Variants in PIGL observed in about 807,000 individuals in gnomAD.
PIGL encodes phosphatidylinositol glycan anchor biosynthesis class L.
In PIGL, 22 loss-of-function variants were observed where a neutral mutation model predicts 31.1. That is an observed-to-expected ratio of 0.71 (90% CI 0.51 to 1.01). The LOEUF (loss-of-function observed/expected upper bound fraction) is 1.01, where lower values mean the gene tolerates loss of function less well. Among genes scored for constraint, PIGL ranks in the 50% least tolerant of loss-of-function variants. PIGL has a pLI of 0.00. For missense variants in PIGL, 302 were observed against 315.9 expected (o/e 0.96, Z 0.33); for synonymous variants, 131 against 117.4 (o/e 1.12, Z -0.75).
At chr17:16,242,644 C>CTTTTTTTTTTTTTTT (rs35572629) in intron 2 of PIGL, among the ~76,000 whole-genome samples, 1 of 79,044 alleles carries the variant, frequency 1.3e-5, no homozygotes, top group Non-Finnish European at 2.4e-5. Context: ...TTTCTGATTC[C>CTTTTTTTTTTTTTTT]TTTTTTTTTT....
At chr17:16,289,256 G>A (rs2092950708) in intron 2 of PIGL, among the ~76,000 whole-genome samples, 1 of 152,228 alleles carries the variant, frequency 6.6e-6, no homozygotes. Flanking sequence ...AGGGCCAGGT[G>A]AGATAAACCC....
At chr17:16,315,395 T>G (rs1289329228) in intron 4 of PIGL, among the ~76,000 whole-genome samples, 1 of 152,162 alleles carries the variant, frequency 6.6e-6, no homozygotes, top group East Asian at 1.9e-4. Context: ...TGCTTTGACT[T>G]ATATGGCACC....
intron 2 of PIGL, among the ~76,000 whole-genome samples, chr17:16,298,273 G>C (rs2092990836): frequency 6.6e-6 from 1 of 152,220 alleles, no homozygotes; most frequent in Non-Finnish European, 1.5e-5. Context: ...GCCAGTTAAT[G>C]ACCTTTGTCC....
intron 2 of PIGL, among the ~76,000 whole-genome samples, chr17:16,237,174 C>T (rs1021797625): frequency 4.4e-5 from 6 of 135,790 alleles, no homozygotes; most frequent in African/African-American, 1.7e-4. Context: ...GTGGTGCCAT[C>T]TCAGCTCACT....
intron 2 of PIGL, among the ~76,000 whole-genome samples, chr17:16,283,836 C>T (rs1440682808): frequency 1.3e-5 from 2 of 152,184 alleles, no homozygotes; most frequent in African/African-American, 4.8e-5. Flanking sequence ...CAGAATCCAT[C>T]GATCAAGCTT....
At chr17:16,321,520 G>A (rs1456662120) in intron 6 of PIGL, among the ~76,000 whole-genome samples, 3 of 151,886 alleles carry the variant, frequency 2.0e-5, no homozygotes, top group South Asian at 4.2e-4. Flanking sequence ...GATCACAGGC[G>A]TGAGCCACCA....
intron 2 of PIGL, 80 bp downstream of exon 2, chr17:16,234,150 A>C: frequency 1.3e-6 from 1 of 790,864 alleles, no homozygotes. Flanking sequence ...CAAAAAACTA[A>C]TGTGAGTGGC....
chr17:16,274,819 G>A (rs540991994), intron 2 of PIGL, among the ~76,000 whole-genome samples: 5 of 152,034 alleles, frequency 3.3e-5, no homozygotes, highest in African/African-American at 1.2e-4. Flanking sequence ...ATCACCTAAG[G>A]TCAGGAGTTT....
At chr17:16,317,564 G>A in intron 5 of PIGL, 1 of 1,357,740 alleles carries the variant, frequency 7.4e-7, no homozygotes, top group Non-Finnish European at 9.5e-7. Flanking sequence ...AGGGTAGAGG[G>A]TAGCCAGCCA....
chr17:16,253,533 T>A (rs995454089), intron 2 of PIGL, among the ~76,000 whole-genome samples: 8 of 152,210 alleles, frequency 5.3e-5, no homozygotes, highest in Non-Finnish European at 7.3e-5. Context: ...AAAGATTTTT[T>A]AAAACTTTTT....
intron 3 of PIGL, among the ~76,000 whole-genome samples, chr17:16,309,083 G>C (rs1336792862): frequency 6.6e-6 from 1 of 152,294 alleles, no homozygotes; most frequent in East Asian, 1.9e-4. Context: ...AAGACACTGT[G>C]CCCAGCCAAA....
intron 3 of PIGL, among the ~76,000 whole-genome samples, chr17:16,310,919 GT>G (rs1224028444): frequency 1.3e-5 from 2 of 152,322 alleles, no homozygotes; most frequent in East Asian, 3.9e-4. Context: ...CCACCACTCA[GT>G]GGCAAGGTGA....
intron 2 of PIGL, among the ~76,000 whole-genome samples, chr17:16,257,684 A>G (rs2092800141): frequency 1.3e-5 from 2 of 151,136 alleles, no homozygotes; most frequent in Non-Finnish European, 1.5e-5. Context: ...AATTGATGCT[A>G]TTTAATTTTT....
intron 2 of PIGL, among the ~76,000 whole-genome samples, chr17:16,252,065 C>CCTTTTTTTTT (rs369343098): frequency 0.054 from 6,778 of 125,058 alleles, 149 homozygotes; most frequent in African/African-American, 0.094. Context: ...ATTTTTTTTT[C>CCTTTTTTTTT]CTTTTTTTTT....
chr17:16,230,622 CT>C (rs764511731), intron 1 of PIGL, among the ~76,000 whole-genome samples: 2,253 of 143,986 alleles, frequency 0.016, 48 homozygotes, highest in African/African-American at 0.048. Context: ...GTCATAATCA[CT>C]TTTTTTTTTT....
Position 16,267,323 on chromosome 17 carries a change from G to A in PIGL, c.336-32565G>A, listed in dbSNP as rs55840764. On this transcript the variant is annotated intron_variant, in intron 2 of 6. Transcript: ENST00000225609. The stretch of plus-strand genomic sequence containing the variant: ...GTCTTCACATTGAGTAGGCTATCTT[G>A]CTGTCTCAGGGGTGGCAGAGGCGGA... Among the ~76,000 whole-genome samples, 1,209 of 152,262 alleles carry A rather than the reference G, an allele frequency of 7.9e-3. 21 individuals are homozygous for A. The highest frequency in any genetic ancestry group is 0.028 in the African/African-American group (1,166 of 41,544).
intron 2 of PIGL, among the ~76,000 whole-genome samples, chr17:16,242,161 T>G (rs2092725861): frequency 6.6e-6 from 1 of 152,096 alleles, no homozygotes; most frequent in Admixed American, 6.6e-5. Flanking sequence ...TCAAGCAATC[T>G]TCCCACCTCA....
chr17:16,263,397 C>A (rs1428345715), intron 2 of PIGL, among the ~76,000 whole-genome samples: 1 of 151,990 alleles, frequency 6.6e-6, no homozygotes, highest in African/African-American at 2.4e-5. Context: ...CCAGTCTGGT[C>A]TCAAACTCAT....
intron 3 of PIGL, among the ~76,000 whole-genome samples, chr17:16,310,090 A>AAG (rs1299633995): frequency 1.3e-5 from 2 of 151,612 alleles, no homozygotes; most frequent in East Asian, 3.9e-4. Context: ...AAAAAAAAAA[A>AAG]AAAAAGAAAG....
Sources: allele counts gnomAD v4.1 joint callset (sites outside exome capture counted in the v4.1 genomes callset), GRCh38; gene constraint gnomAD v4.1.1; transcripts MANE v1.5; gene names NCBI Gene and HGNC (gene_info 2026-07-23, HGNC 2026-07-21).